EML2: variants seen among roughly 807,000 people sequenced by gnomAD.
EML2 encodes echinoderm microtubule-associated protein-like 2.
Under a neutral mutation model 84.7 loss-of-function variants are expected in EML2, and 59 were observed. The observed-to-expected ratio is 0.70, with a 90% CI of 0.56 to 0.86. The LOEUF (loss-of-function observed/expected upper bound fraction) is 0.86. EML2 is among the 40% of genes least tolerant of loss of function. The pLI is 0.00. For missense variants in EML2, 818 were observed against 855.6 expected, an observed-to-expected ratio of 0.96 and a Z score of 0.55; for synonymous variants, 352 against 348.9, an observed-to-expected ratio of 1.01 and a Z score of -0.10.
chr19:45,629,821 G>A (rs1376233704), intron 7 of EML2, 130 bp downstream of exon 7: 1 of 719,222 alleles, frequency 1.4e-6, no homozygotes, highest in East Asian at 2.7e-5. Flanking sequence ...GCTTGCTCAA[G>A]TCACACAGCC....
chr19:45,645,421 T>C (rs1036347379), upstream of EML2: 11 of 1,464,876 alleles, frequency 7.5e-6, no homozygotes, highest in Admixed American at 2.5e-5. Flanking sequence ...CCCGTTGCCA[T>C]AGCAACGCCC....
At chr19:45,626,647 G>A in intron 8 of EML2, 58 bp downstream of exon 8, 2 of 1,559,586 alleles carry the variant, frequency 1.3e-6, no homozygotes, top group Non-Finnish European at 1.7e-6. Flanking sequence ...CTACCTCCCT[G>A]CCTGTCCCTA....
intron 6 of EML2, 196 bp downstream of exon 6, chr19:45,632,665 C>T (rs1305847873): frequency 1.8e-6 from 1 of 570,578 alleles, no homozygotes; most frequent in Non-Finnish European, 3.1e-6. Flanking sequence ...GTTTAAAATG[C>T]CTGAGAGGGC....
chr19:45,639,223 G>A, intron 1 of EML2, 134 bp downstream of exon 1: 6 of 984,006 alleles, frequency 6.1e-6, no homozygotes, highest in Non-Finnish European at 8.7e-6. Flanking sequence ...TCAAGCAGAG[G>A]GAGAAACGGG....
intron 18 of EML2, among the ~76,000 whole-genome samples, chr19:45,610,622 G>A (rs760090218): frequency 6.6e-6 from 1 of 152,102 alleles, no homozygotes; most frequent in African/African-American, 2.4e-5. Context: ...GAGATCACTT[G>A]AGGTCAGGAG....
At position 45,639,377 on chromosome 19, in the gene EML2, G is replaced by A; in HGVS notation, c.-1C>T. On this transcript the variant is annotated 5_prime_UTR_variant, in exon 1 of 19. Coordinates refer to ENST00000245925, the MANE Select transcript of EML2 (RefSeq NM_012155.4). ...CTCACCCAGCTCCAAAGCTACTCAT[G>A]GCGGCGGGTGGCGGAGCTTCGGGGC... 6.3e-6 allele frequency: 8 copies of A among 1,262,658 alleles called. No homozygotes were observed. The highest frequency in any genetic ancestry group is 3.5e-5 in the South Asian group (1 of 28,364). 78.2% of individuals were successfully genotyped at this position (1,262,658 alleles called of 1,614,324 possible).
chr19:45,614,755 C>T, intron 16 of EML2, 55 bp from the exon 17 acceptor site: 1 of 1,417,422 alleles, frequency 7.1e-7, no homozygotes. Context: ...CCCAGTAAAC[C>T]CATCCCTTTC....
chr19:45,634,533 T>TTTTA (rs374592768), intron 3 of EML2, 62 bp from the exon 4 acceptor site: 164 of 1,216,038 alleles, frequency 1.3e-4, no homozygotes, highest in Middle Eastern at 3.1e-4. Flanking sequence ...TTTGTTTTGT[T>TTTTA]TTTATTTATT....
intron 7 of EML2, 118 bp downstream of exon 7, chr19:45,629,833 G>T: frequency 1.3e-6 from 1 of 779,414 alleles, no homozygotes; most frequent in Non-Finnish European, 2.2e-6. Flanking sequence ...CACACAGCCA[G>T]CAAGGAGTAA....
At chr19:45,643,600 A>T, upstream of EML2, 1 of 1,536,088 alleles carries the variant, frequency 6.5e-7, no homozygotes, top group African/African-American at 1.4e-5. Flanking sequence ...GCTGACCACA[A>T]CCAAGGAAGC....
rs1972075165 is a variant in EML2, at chr19:45,624,521, T to C, written c.841+198A>G. On this transcript the variant is annotated intron_variant, in intron 9 of 18. Transcript: ENST00000245925. Reference sequence around the variant, plus strand: ...TCTGGACTTGATCCCTAACAAGGGATTTCCAGAGGGCAAGGCAGGGGGGAG... The same window carrying C: ...TCTGGACTTGATCCCTAACAAGGGACTTCCAGAGGGCAAGGCAGGGGGGAG... Among the ~76,000 whole-genome samples the C allele has an allele frequency of 2.0e-5, 3 of 152,054 alleles. No homozygotes were observed. In the South Asian group the frequency reaches 6.2e-4, roughly 32 times the overall value.
intron 16 of EML2, among the ~76,000 whole-genome samples, chr19:45,615,584 C>G (rs1970955684): frequency 6.6e-6 from 1 of 150,436 alleles, no homozygotes; most frequent in Admixed American, 6.6e-5. Context: ...AAAAAAGAAA[C>G]CTGCATCCTA....
rs1398306455 is a variant in EML2 at position 45,624,736 on chromosome 19, A to G, written c.824T>C (p.Leu275Pro). 1 of 1,613,728 alleles carries G rather than the reference A, an allele frequency of 6.2e-7. No homozygotes were observed. Among genetic ancestry groups the G allele is most frequent in the South Asian group, 1.1e-5 (1 of 91,044 alleles). Residue 275 changes from leucine (L) to proline (P), a missense_variant, in exon 9 of 19, where the codon CTC (leucine) becomes CCC (proline). Leu to Pro is a moderately conservative substitution (Grantham distance 98). Coordinates refer to ENST00000245925, the MANE Select transcript of EML2 (RefSeq NM_012155.4). ...DVVTGDSGGN[L>P]YVWGKGGNRI... ...ACACTGACCTTTGCCCCAAACATAG[A>G]GGTTCCCCCCAGAGTCCCCCGTGAC...
At chr19:45,645,022 G>C (rs1974922855), upstream of EML2, 1 of 573,980 alleles carries the variant, frequency 1.7e-6, no homozygotes, top group Non-Finnish European at 3.1e-6. Context: ...AGGTTCCTTC[G>C]GGTTCTGCCC....
At chr19:45,615,709 C>G (rs1209625129) in intron 16 of EML2, 93 bp downstream of exon 16, 15 of 1,104,042 alleles carry the variant, frequency 1.4e-5, no homozygotes, top group Non-Finnish European at 2.1e-5. Context: ...ACCAAGGGAG[C>G]GAGGCTTGAA....
upstream of EML2, chr19:45,641,024 A>G (rs1974424597): frequency 6.6e-6 from 1 of 152,628 alleles, no homozygotes; most frequent in Non-Finnish European, 1.5e-5. Context: ...ATTTTCACGT[A>G]TTCCTTATGT....
Position 45,613,669 on chromosome 19 carries a change from T to C in EML2, c.1696A>G (p.Ile566Val). Residue 566 changes from isoleucine (I) to valine (V), a missense_variant and splice_region_variant, in exon 18 of 19, where the codon ATC becomes GTC. By Grantham distance (29) the Ile-to-Val change is conservative (BLOSUM62 3). Coordinates refer to ENST00000245925, the MANE Select transcript of EML2 (RefSeq NM_012155.4). Reference protein sequence around the residue: ...TCVLGFGVFGIWSEGADGTDI... With the variant: ...TCVLGFGVFGVWSEGADGTDI... ...GTGCCGTCCGCCCCCTCAGACCAGATCCCTGTGGGCAAGATGAAGGGAAGT... is the reference window on the plus strand; with the variant it reads ...GTGCCGTCCGCCCCCTCAGACCAGACCCCTGTGGGCAAGATGAAGGGAAGT... 2 of 1,612,106 alleles carry C rather than the reference T, an allele frequency of 1.2e-6. No individual in the cohort carries two copies. The highest frequency in any genetic ancestry group is 1.7e-6 in the Non-Finnish European group (2 of 1,178,610).
At chr19:45,615,662 G>T (rs1388260178) in intron 16 of EML2, 140 bp downstream of exon 16, 2 of 686,988 alleles carry the variant, frequency 2.9e-6, no homozygotes, top group Non-Finnish European at 5.1e-6. Context: ...TGAGAAGCCA[G>T]CGGTCCCTAA....
upstream of EML2, chr19:45,643,799 C>G: frequency 5.5e-6 from 8 of 1,459,294 alleles, no homozygotes; most frequent in Non-Finnish European, 7.2e-6. Flanking sequence ...CTGCCCCCCA[C>G]TCAGCGCCTC....
Sources: allele counts gnomAD v4.1 joint callset (sites outside exome capture counted in the v4.1 genomes callset), GRCh38; gene constraint gnomAD v4.1.1; transcripts MANE v1.5; gene names NCBI Gene and HGNC (gene_info 2026-07-23, HGNC 2026-07-21).